Variants in GALNT10 observed in about 807,000 individuals in gnomAD.
GALNT10 encodes the protein GalNAc transferase 10.
Under a neutral mutation model 75.0 loss-of-function variants are expected in GALNT10, and 41 were observed. That is an observed-to-expected ratio of 0.55 (90% CI 0.43 to 0.71). The LOEUF (loss-of-function observed/expected upper bound fraction) is 0.71. Ranked by LOEUF, GALNT10 falls within the 30% of genes least tolerant of loss-of-function variation. GALNT10 has a pLI of 0.00. For missense variants in GALNT10, 727 were observed against 818.5 expected (o/e 0.89, Z 1.36); for synonymous variants, 302 against 313.0 (o/e 0.96, Z 0.37).
At chr5:154,358,339 C>CAAT (rs10625013) in intron 4 of GALNT10, among the ~76,000 whole-genome samples, 107,902 of 151,576 alleles carry the variant, frequency 0.71, 38,549 homozygotes, top group East Asian at 0.88. Flanking sequence ...GTAACAACAA[C>CAAT]AATAATAACA....
At chr5:154,323,558 G>A (rs1191110346) in intron 3 of GALNT10, among the ~76,000 whole-genome samples, 1 of 152,174 alleles carries the variant, frequency 6.6e-6, no homozygotes, top group African/African-American at 2.4e-5. Context: ...GCTAAGATGT[G>A]GAGATATGAG....
In GALNT10 at chr5:154,198,519, AG is replaced by A. The variant is rs1209559892; in HGVS notation, c.159+7497del. Among the ~76,000 whole-genome samples the A allele has an allele frequency of 9.2e-5, 14 of 152,334 alleles. No homozygotes were observed. In the South Asian group the frequency reaches 2.9e-3, roughly 32 times the overall value. ...AGATAAGTGGTTGGCTTAACAGCAC[AG>A]GGTTCAGAAGAACTGGAAGAAGCCA... On this transcript the variant is annotated intron_variant, in intron 1 of 11. Coordinates refer to ENST00000297107, the MANE Select transcript of GALNT10 (RefSeq NM_198321.4).
intron 1 of GALNT10, among the ~76,000 whole-genome samples, chr5:154,234,806 G>A (rs1355020866): frequency 6.6e-6 from 1 of 152,220 alleles, no homozygotes; most frequent in Non-Finnish European, 1.5e-5. Flanking sequence ...TATGGCACAA[G>A]CTGCCCCAAT....
chr5:154,356,067 G>T (rs1406503717), intron 4 of GALNT10: 1 of 453,334 alleles, frequency 2.2e-6, no homozygotes, highest in African/African-American at 2.0e-5. Flanking sequence ...TTTAGAATGG[G>T]AATGAATTCT....
chr5:154,381,717 C>T (rs1755737615), intron 6 of GALNT10, among the ~76,000 whole-genome samples: 1 of 152,188 alleles, frequency 6.6e-6, no homozygotes, highest in Non-Finnish European at 1.5e-5. Flanking sequence ...AGGATGCTTA[C>T]ATTCCTTGGC....
At chr5:154,199,288 G>A (rs1774989898) in intron 1 of GALNT10, among the ~76,000 whole-genome samples, 1 of 152,016 alleles carries the variant, frequency 6.6e-6, no homozygotes, top group South Asian at 2.1e-4. Flanking sequence ...TCCTACTGAG[G>A]GTCCAACAGG....
At chr5:154,238,685 A>G (rs1753286523) in intron 1 of GALNT10, among the ~76,000 whole-genome samples, 1 of 152,156 alleles carries the variant, frequency 6.6e-6, no homozygotes. Context: ...TGGGGGATTC[A>G]TTAGCACTGG....
intron 7 of GALNT10, among the ~76,000 whole-genome samples, chr5:154,398,710 G>T (rs534384548): frequency 1.3e-5 from 2 of 152,312 alleles, no homozygotes; most frequent in African/African-American, 2.4e-5. Flanking sequence ...CAGAATCTGG[G>T]TTGCAGATGT....
chr5:154,274,519 C>T (rs153441), intron 1 of GALNT10, among the ~76,000 whole-genome samples: 43,661 of 152,000 alleles, frequency 0.29, 7,056 homozygotes, highest in African/African-American at 0.44. Flanking sequence ...ATTGCCTTGC[C>T]CATGATAGGA....
chr5:154,394,306 C>T (rs541689014), intron 7 of GALNT10, among the ~76,000 whole-genome samples: 7 of 136,914 alleles, frequency 5.1e-5, no homozygotes, highest in South Asian at 4.7e-4. Flanking sequence ...TCCCAGGCTA[C>T]GTGAACAGAC....
chr5:154,272,438 G>GA (rs780440099), intron 1 of GALNT10, among the ~76,000 whole-genome samples: 5 of 142,850 alleles, frequency 3.5e-5, no homozygotes, highest in Admixed American at 6.7e-5. Flanking sequence ...CCTCAAAAAG[G>GA]AACTAGGCTA....
intron 4 of GALNT10, among the ~76,000 whole-genome samples, chr5:154,372,617 C>T (rs1446201922): frequency 1.3e-5 from 2 of 152,158 alleles, no homozygotes; most frequent in Non-Finnish European, 2.9e-5. Context: ...GGCAGCACTG[C>T]GGGCGGCTAT....
At chr5:154,204,956 A>G (rs1262939924) in intron 1 of GALNT10, among the ~76,000 whole-genome samples, 2 of 152,210 alleles carry the variant, frequency 1.3e-5, no homozygotes, top group Admixed American at 6.5e-5. Context: ...CAGGTGCTCA[A>G]GAATATTTGT....
intron 1 of GALNT10, among the ~76,000 whole-genome samples, chr5:154,259,768 G>C (rs1417811441): frequency 1.3e-5 from 2 of 152,090 alleles, no homozygotes; most frequent in Non-Finnish European, 2.9e-5. Context: ...TATGTTATAA[G>C]CCCCTGCACT....
chr5:154,211,319 T>A (rs1043630565), intron 1 of GALNT10, among the ~76,000 whole-genome samples: 20 of 152,096 alleles, frequency 1.3e-4, no homozygotes, highest in Non-Finnish European at 2.5e-4. Context: ...TATTGAACTG[T>A]TCAGTCAACG....
chr5:154,407,106 G>A (rs1257226772), intron 8 of GALNT10, among the ~76,000 whole-genome samples: 1 of 152,146 alleles, frequency 6.6e-6, no homozygotes, highest in Non-Finnish European at 1.5e-5. Context: ...AGGATCTTAG[G>A]GAAGGCAATA....
At chr5:154,378,190 T>C (rs956346478) in intron 5 of GALNT10, among the ~76,000 whole-genome samples, 1 of 152,252 alleles carries the variant, frequency 6.6e-6, no homozygotes, top group South Asian at 2.1e-4. Context: ...TCATGGCTTT[T>C]GTCTGTGAAA....
chr5:154,319,684 G>A (rs1478281703), intron 3 of GALNT10, among the ~76,000 whole-genome samples: 1 of 152,228 alleles, frequency 6.6e-6, no homozygotes, highest in African/African-American at 2.4e-5. Flanking sequence ...TTTGCAATGG[G>A]AGCAGTGCCC....
chr5:154,307,622 G>GAA (rs368835213), intron 3 of GALNT10, among the ~76,000 whole-genome samples: 48,794 of 124,722 alleles, frequency 0.39, 9,055 homozygotes, highest in African/African-American at 0.5. Flanking sequence ...TCCATCTCAA[G>GAA]AAAAAAAAAA....
Sources: gnomAD v4.1 joint callset for allele counts (sites outside exome capture counted in the v4.1 genomes callset) on GRCh38, gnomAD v4.1.1 for gene constraint, MANE v1.5 for transcripts, NCBI Gene and HGNC (gene_info 2026-07-23, HGNC 2026-07-21) for gene names.